The following CSMD2 variants were observed in gnomAD, a reference collection of about 807,000 sequenced individuals.
The protein encoded by CSMD2 is CUB and Sushi multiple domains 2.
A neutral mutation model predicts 398.5 loss-of-function variants in CSMD2; 130 were observed. The ratio of observed to expected loss-of-function variants is 0.33; its 90% CI spans 0.28 to 0.38. CSMD2 has a LOEUF of 0.38. Ranked by LOEUF, CSMD2 falls within the 10% of genes least tolerant of loss-of-function variation. The pLI is 1.00. For synonymous variants in CSMD2, 1,828 were observed against 1,908.5 expected (o/e 0.96, Z 1.10); for missense variants, 3,829 against 4,764.9 (o/e 0.80, Z 5.78).
chr1:33,715,148 C>T (rs1409638686), intron 20 of CSMD2, among the ~76,000 whole-genome samples: 1 of 152,168 alleles, frequency 6.6e-6, no homozygotes, highest in Non-Finnish European at 1.5e-5. Context: ...TCTGTGCTAT[C>T]CTTTTATCTC....
chr1:33,755,789 G>A (rs1648906576), intron 13 of CSMD2, among the ~76,000 whole-genome samples: 1 of 151,590 alleles, frequency 6.6e-6, no homozygotes, highest in African/African-American at 2.4e-5. Flanking sequence ...GGGACTATAG[G>A]TGTGTGCCAC....
At chr1:34,055,897 G>A (rs1319680484) in intron 2 of CSMD2, among the ~76,000 whole-genome samples, 1 of 152,138 alleles carries the variant, frequency 6.6e-6, no homozygotes, top group Non-Finnish European at 1.5e-5. Context: ...GGTCTTCCCA[G>A]TAACCAACCC....
rs1301529604 is a variant in CSMD2, at chr1:33,542,824, C to T, written c.9173G>A (p.Ser3058Asn). Residue 3058 changes from serine to asparagine, a missense_variant, in exon 58 of 71, where the codon AGC (serine) becomes AAC (asparagine). Physicochemically the swap from Ser to Asn is conservative, Grantham distance 46. This residue lies in a region of CSMD2 where 917 missense variants were observed against 1,199.5 expected (regional missense o/e 0.76). Coordinates refer to ENST00000373381, the MANE Select transcript of CSMD2 (RefSeq NM_001281956.2). ...VVFSDGLVFS[S>N]SIVYECREGY... ...TTCCCGGCACTCATAGACGATAGAG[C>T]TGGAGAAAACCAGGCCATCACTGAA... 6.2e-7 allele frequency: 1 copy of T among 1,614,182 alleles called. No homozygotes were observed. Among genetic ancestry groups the T allele is most frequent in the Admixed American group, 1.7e-5 (1 of 60,030 alleles).
chr1:33,995,605 T>A (rs1646701141), intron 3 of CSMD2, among the ~76,000 whole-genome samples: 1 of 152,160 alleles, frequency 6.6e-6, no homozygotes, highest in Non-Finnish European at 1.5e-5. Context: ...CCTGCTCAGC[T>A]CTCAGGAGAC....
intron 67 of CSMD2, 119 bp downstream of exon 67, chr1:33,523,188 C>A: frequency 1.7e-6 from 1 of 594,174 alleles, no homozygotes; most frequent in South Asian, 2.7e-5. Context: ...GGCAGGGCCC[C>A]ACAGAAAACC....
intron 1 of CSMD2, among the ~76,000 whole-genome samples, chr1:34,127,092 C>A: frequency 6.6e-6 from 1 of 152,020 alleles, no homozygotes; most frequent in Admixed American, 6.6e-5. Flanking sequence ...ACAGAGAGAC[C>A]AGATAGGGAT....
intron 3 of CSMD2, among the ~76,000 whole-genome samples, chr1:33,937,550 C>T (rs957236783): frequency 6.6e-6 from 1 of 152,156 alleles, no homozygotes; most frequent in Non-Finnish European, 1.5e-5. Context: ...TATCTGCCTT[C>T]CAGAACCCTC....
chr1:33,684,557 C>T (rs1645006152), intron 25 of CSMD2, among the ~76,000 whole-genome samples: 1 of 152,212 alleles, frequency 6.6e-6, no homozygotes, highest in South Asian at 2.1e-4. Context: ...AACCAGGATC[C>T]CTCAACAGTG....
chr1:34,130,321 G>A (rs540096754), intron 1 of CSMD2, among the ~76,000 whole-genome samples: 1 of 133,892 alleles, frequency 7.5e-6, no homozygotes, highest in Admixed American at 8.9e-5. Context: ...GGGTAAGAGC[G>A]AACTGTTTGA....
At chr1:33,693,090 G>A in intron 24 of CSMD2, 34 bp from the exon 25 acceptor site, 11 of 1,566,576 alleles carry the variant, frequency 7.0e-6, no homozygotes, top group South Asian at 1.2e-5. Flanking sequence ...AGCTTCATGG[G>A]GTGGCCTGAG....
intron 3 of CSMD2, among the ~76,000 whole-genome samples, chr1:34,027,888 G>A (rs1649871709): frequency 6.6e-6 from 1 of 151,770 alleles, no homozygotes; most frequent in Admixed American, 6.6e-5. Context: ...GGGCAGAGCA[G>A]GACATGGGCA....
At chr1:33,609,781 T>C (rs1640875756) in intron 41 of CSMD2, among the ~76,000 whole-genome samples, 1 of 152,036 alleles carries the variant, frequency 6.6e-6, no homozygotes, top group East Asian at 1.9e-4. Flanking sequence ...TATTGAATTG[T>C]TGAAAGTGTG....
At chr1:33,954,670 C>A (rs1010441922) in intron 3 of CSMD2, among the ~76,000 whole-genome samples, 1 of 152,120 alleles carries the variant, frequency 6.6e-6, no homozygotes, top group East Asian at 1.9e-4. Flanking sequence ...CATGGATGAA[C>A]TGTGAGGACA....
At chr1:34,161,474 G>A (rs762499405) in intron 1 of CSMD2, among the ~76,000 whole-genome samples, 1 of 152,168 alleles carries the variant, frequency 6.6e-6, no homozygotes, top group Non-Finnish European at 1.5e-5. Context: ...TCAGGGAGGG[G>A]AATAAGTGTT....
At chr1:34,022,505 C>G (rs1318566283) in intron 3 of CSMD2, among the ~76,000 whole-genome samples, 1 of 152,144 alleles carries the variant, frequency 6.6e-6, no homozygotes, top group Non-Finnish European at 1.5e-5. Flanking sequence ...AAACAAGGAA[C>G]AGAAAATACA....
intron 1 of CSMD2, among the ~76,000 whole-genome samples, chr1:34,123,808 G>A (rs705212): frequency 0.92 from 139,212 of 151,380 alleles, 64,637 homozygotes; most frequent in East Asian, 1. Context: ...GTGAGAGCAG[G>A]AAAAAAAAAC....
Position 34,089,034 on chromosome 1 carries a change from T to G in CSMD2, c.347A>C (p.Asp116Ala). Residue 116 changes from aspartate (D) to alanine (A), a missense_variant, in exon 2 of 71, where the codon GAC (aspartate) becomes GCC (alanine). Transcript: ENST00000373381. ...ATCAAACACCGACAGGACATCAAAG[T>G]CCTCTTCCAGGGCAAAGGACTGGAA... ...LVFQSFALEE[D>A]FDVLSVFDGP... 1.2e-6 allele frequency: 2 copies of G among 1,614,066 alleles called. No homozygotes were observed. Among genetic ancestry groups the G allele is most frequent in the Non-Finnish European group, 1.7e-6 (2 of 1,179,998 alleles).
chr1:33,815,014 C>A (rs1657294610), intron 9 of CSMD2, among the ~76,000 whole-genome samples: 1 of 151,992 alleles, frequency 6.6e-6, no homozygotes, highest in Non-Finnish European at 1.5e-5. Context: ...TGCTTTCCAT[C>A]AATTCTACCA....
At chr1:33,838,406 T>C (rs536225296) in intron 6 of CSMD2, 2 of 152,232 alleles carry the variant, frequency 1.3e-5, no homozygotes, top group Non-Finnish European at 2.9e-5. Context: ...TTTCAAAAAC[T>C]GAAATCTGAC....
Sources: allele counts gnomAD v4.1 joint callset (sites outside exome capture counted in the v4.1 genomes callset), GRCh38; gene constraint gnomAD v4.1.1; regional missense constraint gnomAD v4.1.1; transcripts MANE v1.5; gene names NCBI Gene and HGNC (gene_info 2026-07-23, HGNC 2026-07-21).